The following RBM5 variants were observed in gnomAD, a reference collection of about 807,000 sequenced individuals.
RBM5 encodes RNA binding motif protein 5.
In RBM5, 15 loss-of-function variants were observed where a neutral mutation model predicts 124.6. That is an observed-to-expected ratio of 0.12 (90% CI 0.08 to 0.19). RBM5 has a LOEUF of 0.19. Among genes scored for constraint, RBM5 ranks in the 10% least tolerant of loss-of-function variants. The probability of loss-of-function intolerance (pLI) is 1.00; values close to 1 mark genes in which losing one functional copy is unlikely to be tolerated. For missense variants in RBM5, 580 were observed against 1,026.5 expected, an observed-to-expected ratio of 0.57 and a Z score of 5.94; for synonymous variants, 337 against 361.2, an observed-to-expected ratio of 0.93 and a Z score of 0.76.
At chr3:50,090,900 T>A (rs1296591698) in intron 2 of RBM5, among the ~76,000 whole-genome samples, 2 of 152,214 alleles carry the variant, frequency 1.3e-5, no homozygotes, top group Admixed American at 6.5e-5. Flanking sequence ...CCATTTCTTG[T>A]TATTGTTCCC....
At chr3:50,106,623 T>C in intron 10 of RBM5, 144 bp from the exon 11 acceptor site, 1 of 622,070 alleles carries the variant, frequency 1.6e-6, no homozygotes, top group South Asian at 2.0e-5. Flanking sequence ...GATATTCCTT[T>C]CTTGAGGTTT....
At chr3:50,096,207 G>A (rs1236198570) in intron 4 of RBM5, among the ~76,000 whole-genome samples, 1 of 151,936 alleles carries the variant, frequency 6.6e-6, no homozygotes, top group African/African-American at 2.4e-5. Flanking sequence ...AGGGGTCAGA[G>A]GCCGAGTATG....
intron 12 of RBM5, among the ~76,000 whole-genome samples, chr3:50,107,836 G>GCCA (rs1363914971): frequency 6.6e-6 from 1 of 151,564 alleles, no homozygotes; most frequent in Admixed American, 6.6e-5. Context: ...ACAGGTACCT[G>GCCA]CCACCACGCC....
chr3:50,105,073 C>G lies in RBM5; in HGVS notation c.629-4C>G. The G allele has an allele frequency of 6.4e-7, 1 of 1,571,788 alleles. No individual in the cohort carries two copies. Among genetic ancestry groups the G allele is most frequent in the South Asian group, 1.1e-5 (1 of 89,804 alleles). ...GTCTCTAATTGGATCACTTTCCCTT[C>G]TAGACTCTGAACAGGAAGTGCCTCC... On this transcript the variant is annotated splice_polypyrimidine_tract_variant and splice_region_variant and intron_variant, in intron 8 of 24. Coordinates refer to ENST00000347869, the MANE Select transcript of RBM5 (RefSeq NM_005778.4).
chr3:50,095,888 T>C (rs914496472), intron 4 of RBM5, among the ~76,000 whole-genome samples: 4 of 152,092 alleles, frequency 2.6e-5, no homozygotes, highest in African/African-American at 9.7e-5. Context: ...GTGCCAGTAT[T>C]TGTTTTCTTG....
In RBM5 at chr3:50,090,391, A is replaced by G. The variant is rs1464014349; in HGVS notation, c.-44A>G. 1 of 1,611,378 alleles carries G rather than the reference A, an allele frequency of 6.2e-7. No individual in the cohort carries two copies. The highest frequency in any genetic ancestry group is 8.5e-7 in the Non-Finnish European group (1 of 1,178,716). On this transcript the variant is annotated 5_prime_UTR_variant, in exon 2 of 25. Transcript: ENST00000347869. ...CTCTCTTGTCTCCTAGAAAAAATAAAATTTGAACCTTTTGGAGCTGTGTGC... is the reference window on the plus strand; with the variant it reads ...CTCTCTTGTCTCCTAGAAAAAATAAGATTTGAACCTTTTGGAGCTGTGTGC...
intron 4 of RBM5, chr3:50,099,712 AT>A: frequency 4.8e-6 from 1 of 207,584 alleles, no homozygotes; most frequent in Non-Finnish European, 9.6e-6. Flanking sequence ...AAAAAAAAAA[AT>A]CAGTCACGCA....
At chr3:50,108,509 C>T (rs892487045) in intron 14 of RBM5, among the ~76,000 whole-genome samples, 1 of 152,058 alleles carries the variant, frequency 6.6e-6, no homozygotes, top group Non-Finnish European at 1.5e-5. Context: ...GAGTTCAAGA[C>T]CAGCCTGGCC....
rs1214890080 is a variant in RBM5, at chr3:50,110,730, A to G, written c.1415A>G (p.Tyr472Cys). The G allele has an allele frequency of 1.2e-6, 2 of 1,613,788 alleles. No individual in the cohort carries two copies. Among genetic ancestry groups the G allele is most frequent in the South Asian group, 2.2e-5 (2 of 91,048 alleles). The change falls in exon 17 of 25, where the codon TAT becomes TGT. Residue 472 changes from tyrosine to cysteine, a missense_variant. By Grantham distance (194) the Tyr-to-Cys change is radical. Around this residue, in one of 6 missense-constraint regions of RBM5, gnomAD observed 234 missense variants for 435.1 expected, o/e 0.54. Transcript: ENST00000347869. Reference sequence around the variant, plus strand: ...TATGATGAATCTTCAGGATATTACTATGATCCGACAACAGGGCTCTATTAT... The same window carrying G: ...TATGATGAATCTTCAGGATATTACTGTGATCCGACAACAGGGCTCTATTAT... The part of the protein sequence containing the change: ...YQYDESSGYY[Y>C]DPTTGLYYDP...
intron 3 of RBM5, among the ~76,000 whole-genome samples, chr3:50,092,543 C>T (rs980840542): frequency 8.4e-6 from 1 of 118,518 alleles, no homozygotes; most frequent in Non-Finnish European, 1.7e-5. Flanking sequence ...GCATGGGTGA[C>T]AAAGCAAGAC....
chr3:50,107,402 G>A lies in RBM5; in HGVS notation c.954-80G>A, dbSNP rs1313503556. 9.8e-6 allele frequency: 11 copies of A among 1,122,218 alleles called. No homozygotes were observed. The East Asian group carries it at 1.9e-4, about 19-fold the overall frequency. The allele number at this position is 1,122,218 out of a possible 1,614,324, so 69.5% of individuals were successfully genotyped here. ...CATTTGAGAACTGACAAAGGGTGGAGTGAATCAGTTGGTGGTATAGGGGCA... is the reference window on the plus strand; with the variant it reads ...CATTTGAGAACTGACAAAGGGTGGAATGAATCAGTTGGTGGTATAGGGGCA... On this transcript the variant is annotated intron_variant, in intron 11 of 24. Transcript: ENST00000347869.
chr3:50,103,276 A>G (rs1227123021), intron 7 of RBM5, 110 bp downstream of exon 7: 15 of 892,002 alleles, frequency 1.7e-5, no homozygotes, highest in Non-Finnish European at 2.3e-5. Flanking sequence ...AATCATCAGT[A>G]ATATTCATGG....
At position 50,117,065 on chromosome 3, in the gene RBM5, C is replaced by A; in HGVS notation, c.2095-9C>A. 6.2e-7 allele frequency: 1 copy of A among 1,612,114 alleles called. No individual in the cohort carries two copies. Among genetic ancestry groups the A allele is most frequent in the Non-Finnish European group, 8.5e-7 (1 of 1,178,270 alleles). Reference sequence around the variant, plus strand: ...GAACATTTCCAGCAGTGTTTTTTCTCCCATGTAGATGAAATACCGAGACCG... The same window carrying A: ...GAACATTTCCAGCAGTGTTTTTTCTACCATGTAGATGAAATACCGAGACCG... On this transcript the variant is annotated splice_polypyrimidine_tract_variant and intron_variant, in intron 22 of 24. Transcript: ENST00000347869. The surrounding 1 kb of genome is among the most constrained non-coding windows in gnomAD (Gnocchi z 4.2).
intron 17 of RBM5, among the ~76,000 whole-genome samples, chr3:50,111,863 CTATT>C (rs1338571059): frequency 1.3e-5 from 2 of 152,058 alleles, no homozygotes; most frequent in African/African-American, 4.8e-5. Flanking sequence ...ATAAATAACT[CTATT>C]TATGACCGGG....
At chr3:50,108,674 T>G (rs559625727) in intron 14 of RBM5, among the ~76,000 whole-genome samples, 47 of 151,622 alleles carry the variant, frequency 3.1e-4, no homozygotes, top group Non-Finnish European at 6.0e-4. Flanking sequence ...GCCACTGCAC[T>G]CCAGCCTGGG....
At chr3:50,109,817 G>A (rs1404122442) in intron 15 of RBM5, 129 bp downstream of exon 15, 1 of 630,732 alleles carries the variant, frequency 1.6e-6, no homozygotes, top group African/African-American at 1.9e-5. Context: ...ATTTCTTTCT[G>A]TTGTTTTAAA....
chr3:50,105,956 T>G lies in RBM5; in HGVS notation c.855+247T>G, dbSNP rs565622193. Among the ~76,000 whole-genome samples the G allele has an allele frequency of 6.6e-5, 10 of 152,062 alleles. No individual in the cohort carries two copies. In the East Asian group the frequency reaches 1.9e-3, roughly 29 times the overall value. On this transcript the variant is annotated intron_variant, in intron 10 of 24. Coordinates refer to ENST00000347869, the MANE Select transcript of RBM5 (RefSeq NM_005778.4). ...TAGTCCTTGGTACTTTGTTTTTTGT[T>G]GTTGTTGTTCTTTTTTGGGATGGAG...
At chr3:50,098,509 C>G (rs537618641) in intron 4 of RBM5, among the ~76,000 whole-genome samples, 1 of 151,972 alleles carries the variant, frequency 6.6e-6, no homozygotes, top group Non-Finnish European at 1.5e-5. Context: ...GTGGCGCGAT[C>G]TCGGCTCACT....
At chr3:50,095,626 G>A (rs894670322) in intron 4 of RBM5, among the ~76,000 whole-genome samples, 1 of 151,564 alleles carries the variant, frequency 6.6e-6, no homozygotes, top group Non-Finnish European at 1.5e-5. Flanking sequence ...GCTTGGAGAC[G>A]CCTGTATGTA....
Sources: allele counts gnomAD v4.1 joint callset (sites outside exome capture counted in the v4.1 genomes callset), GRCh38; gene constraint gnomAD v4.1.1; regional missense constraint gnomAD v4.1.1; non-coding constraint Gnocchi (gnomAD v3.1); transcripts MANE v1.5; gene names NCBI Gene and HGNC (gene_info 2026-07-23, HGNC 2026-07-21).